The following PI4KA variants were observed in gnomAD, a reference collection of about 807,000 sequenced individuals.
The protein encoded by PI4KA is phosphatidylinositol 4-kinase alpha.
A neutral mutation model predicts 271.4 loss-of-function variants in PI4KA; 122 were observed. The ratio of observed to expected loss-of-function variants is 0.45; its 90% CI spans 0.39 to 0.52. PI4KA has a LOEUF of 0.52. Among genes scored for constraint, PI4KA ranks in the 20% least tolerant of loss-of-function variants. The pLI is 0.00. For synonymous variants in PI4KA, 1,041 were observed against 1,078.8 expected, an observed-to-expected ratio of 0.96 and a Z score of 0.69; for missense variants, 1,969 against 2,769.1, an observed-to-expected ratio of 0.71 and a Z score of 6.48.
rs576001943 is a variant in PI4KA, at chr22:20,779,703, G to A, written c.2328+13490C>T. 4.3e-6 allele frequency: 7 copies of A among 1,614,180 alleles called. No individual in the cohort carries two copies. In the Admixed American group the frequency reaches 5.0e-5, roughly 12 times the overall value. On this transcript the variant is annotated intron_variant, in intron 19 of 54. Coordinates refer to ENST00000255882, the MANE Select transcript of PI4KA (RefSeq NM_058004.4). ...GATCCAGCGTCTTAACATCCTCAAC[G>A]CCAAGTTCGCTTTCAACCTCTACCG...
Position 20,838,659 on chromosome 22 carries a change from C to T in PI4KA, c.229G>A (p.Ala77Thr). ...IFQLDERRRD[A>T]VIALGIFLIE... ...AGAAAAATGCCCAATGCAATCACTGCATCTCTCCGTCTTTCATCTAACTGG... is the reference window on the plus strand; with the variant it reads ...AGAAAAATGCCCAATGCAATCACTGTATCTCTCCGTCTTTCATCTAACTGG... The change falls in exon 2 of 55, where the codon GCA becomes ACA. Residue 77 changes from alanine (A) to threonine (T), a missense_variant. Transcript: ENST00000255882. 6.2e-7 allele frequency: 1 copy of T among 1,612,812 alleles called. No individual in the cohort carries two copies. Among genetic ancestry groups the T allele is most frequent in the African/African-American group, 1.3e-5 (1 of 75,036 alleles).
In PI4KA at chr22:20,858,757, T is replaced by TC. The variant is rs1393390014; in HGVS notation, c.-33dup. On this transcript the variant is annotated 5_prime_UTR_variant, in exon 1 of 55. The change creates a premature stop within an existing upstream ORF in the 5' untranslated region. Transcript: ENST00000255882. ...ACGAGCCGCGGCGCTGCCCGCCGGCTCCCCGCTCCTGGCCCGCGAGCGCCC... is the reference window on the plus strand; with the variant it reads ...ACGAGCCGCGGCGCTGCCCGCCGGCTCCCCCGCTCCTGGCCCGCGAGCGCCC... 1 of 1,367,202 alleles carries TC rather than the reference T, an allele frequency of 7.3e-7. No homozygotes were observed. The highest frequency in any genetic ancestry group is 9.5e-7 in the Non-Finnish European group (1 of 1,057,640). 84.7% of individuals were successfully genotyped at this position (1,367,202 alleles called of 1,614,324 possible). A position where few individuals can be genotyped will look rare whatever the true frequency, so the allele number is the denominator to read the frequency against.
chr22:20,779,582 C>T (rs566477055), intron 19 of PI4KA: 74 of 1,614,238 alleles, frequency 4.6e-5, no homozygotes, highest in South Asian at 5.5e-5. Context: ...GTGAAGACGA[C>T]GACTACATCG....
intron 3 of PI4KA, among the ~76,000 whole-genome samples, chr22:20,829,001 C>T (rs1014556726): frequency 2.6e-5 from 4 of 152,140 alleles, no homozygotes; most frequent in African/African-American, 9.7e-5. Flanking sequence ...GATCCTGTAT[C>T]CCAGGGATAA....
intron 43 of PI4KA, among the ~76,000 whole-genome samples, chr22:20,719,749 G>A (rs2080335): frequency 0.38 from 57,465 of 151,944 alleles, 11,062 homozygotes; most frequent in Middle Eastern, 0.46. Flanking sequence ...TTTCTGGGCC[G>A]GGCGTGGTGG....
At chr22:20,752,318 C>A (rs1930794154) in intron 25 of PI4KA, among the ~76,000 whole-genome samples, 2 of 152,170 alleles carry the variant, frequency 1.3e-5, no homozygotes. Context: ...CTGCCTGGAC[C>A]AGGCACACAG....
intron 14 of PI4KA, among the ~76,000 whole-genome samples, chr22:20,801,503 T>G (rs140177651): frequency 6.6e-6 from 1 of 151,838 alleles, no homozygotes; most frequent in Non-Finnish European, 1.5e-5. Flanking sequence ...GAGAATTGCA[T>G]GAACCCAGGA....
rs1291985180 is a variant in PI4KA, at chr22:20,824,319, T to C, written c.456+7A>G. 1 of 1,583,626 alleles carries C rather than the reference T, an allele frequency of 6.3e-7. No individual in the cohort carries two copies. Among genetic ancestry groups the C allele is most frequent in the Non-Finnish European group, 8.7e-7 (1 of 1,152,312 alleles). ...AATGCATACCAAATCAACCAACACA[T>C]GCTTACCTCATCCCTAAGTGAAGGA... On this transcript the variant is annotated splice_region_variant and intron_variant, in intron 4 of 54. Coordinates refer to ENST00000255882, the MANE Select transcript of PI4KA (RefSeq NM_058004.4).
intron 22 of PI4KA, among the ~76,000 whole-genome samples, chr22:20,762,373 C>T (rs958180776): frequency 3.3e-5 from 5 of 152,174 alleles, no homozygotes; most frequent in African/African-American, 1.2e-4. Context: ...CTCTCAATAC[C>T]CAGTGGCTGG....
intron 43 of PI4KA, among the ~76,000 whole-genome samples, chr22:20,720,430 T>C (rs1762832875): frequency 6.6e-6 from 1 of 152,154 alleles, no homozygotes; most frequent in Non-Finnish European, 1.5e-5. Flanking sequence ...CGTGCACCTA[T>C]AGTCTCAGCT....
At chr22:20,792,672 G>A (rs1401785464) in intron 19 of PI4KA, among the ~76,000 whole-genome samples, 1 of 152,204 alleles carries the variant, frequency 6.6e-6, no homozygotes, top group Non-Finnish European at 1.5e-5. Context: ...GCTGGGACAG[G>A]ACAGGATGGA....
chr22:20,858,773 G>A lies in PI4KA; in HGVS notation c.-48C>T, dbSNP rs773691796. On this transcript the variant is annotated 5_prime_UTR_variant, in exon 1 of 55. Coordinates refer to ENST00000255882, the MANE Select transcript of PI4KA (RefSeq NM_058004.4). Reference sequence around the variant, plus strand: ...CCCGCCGGCTCCCCGCTCCTGGCCCGCGAGCGCCCGACCTCAGGGCGCAGG... The same window carrying A: ...CCCGCCGGCTCCCCGCTCCTGGCCCACGAGCGCCCGACCTCAGGGCGCAGG... 1,704 of 1,366,442 alleles carry A rather than the reference G, an allele frequency of 1.2e-3. 4 individuals carry two copies. Among genetic ancestry groups the A allele is most frequent in the Non-Finnish European group, 1.5e-3 (1,561 of 1,055,882 alleles). The allele number at this position is 1,366,442 out of a possible 1,614,324, so 84.6% of individuals were successfully genotyped here.
chr22:20,823,369 A>G (rs2147711182), intron 4 of PI4KA, among the ~76,000 whole-genome samples: 1 of 152,334 alleles, frequency 6.6e-6, no homozygotes, highest in East Asian at 1.9e-4. Context: ...TAGCCAACCT[A>G]CAAATAAATG....
intron 19 of PI4KA, among the ~76,000 whole-genome samples, chr22:20,768,234 T>C (rs919666183): frequency 6.6e-6 from 1 of 152,012 alleles, no homozygotes; most frequent in African/African-American, 2.4e-5. Flanking sequence ...GACACCTTAC[T>C]GACTTTTTAC....
Position 20,714,689 on chromosome 22 carries a change from G to A in PI4KA, c.5329C>T (p.Pro1777Ser). 1 of 1,613,892 alleles carries A rather than the reference G, an allele frequency of 6.2e-7. No individual in the cohort carries two copies. The highest frequency in any genetic ancestry group is 8.5e-7 in the Non-Finnish European group (1 of 1,179,848). Reference sequence around the variant, plus strand: ...AGCACAATGGCCTCAGGGTTGCTGGGCAGGTAGCAGCCTGTGCAGGGACAG... The same window carrying A: ...AGCACAATGGCCTCAGGGTTGCTGGACAGGTAGCAGCCTGTGCAGGGACAG... ...EVKVQPGCYLPSNPEAIVLDI... is the reference protein window; with the variant it reads ...EVKVQPGCYLSSNPEAIVLDI... Residue 1777 changes from proline (P) to serine (S), a missense_variant, in exon 46 of 55, where the codon CCC becomes TCC. Transcript: ENST00000255882.
chr22:20,831,972 T>C (rs1439463765), intron 3 of PI4KA, among the ~76,000 whole-genome samples: 2 of 152,198 alleles, frequency 1.3e-5, no homozygotes, highest in African/African-American at 4.8e-5. Context: ...GAGTTGTATA[T>C]TTGGTCTCTA....
At chr22:20,710,498 G>C in intron 52 of PI4KA, 3 of 618,776 alleles carry the variant, frequency 4.8e-6, no homozygotes, top group Non-Finnish European at 8.8e-6. Flanking sequence ...CGTGGGGAAG[G>C]TGGTTGGAAT....
At chr22:20,747,446 A>AT in intron 29 of PI4KA, 137 bp downstream of exon 29, 5 of 830,618 alleles carry the variant, frequency 6.0e-6, no homozygotes, top group Non-Finnish European at 7.2e-6. Context: ...CACCACTACC[A>AT]TTGTCAACAG....
At chr22:20,766,553 T>C (rs1569006717) in intron 19 of PI4KA, among the ~76,000 whole-genome samples, 1 of 152,100 alleles carries the variant, frequency 6.6e-6, no homozygotes, top group African/African-American at 2.4e-5. Context: ...TAATCCCAGC[T>C]ACTCGGGAGA....
Sources: gnomAD v4.1 joint callset for allele counts (sites outside exome capture counted in the v4.1 genomes callset) on GRCh38, gnomAD v4.1.1 for gene constraint, MANE v1.5 for transcripts, NCBI Gene and HGNC (gene_info 2026-07-23, HGNC 2026-07-21) for gene names.